LSAMP: variants seen among roughly 807,000 people sequenced by gnomAD.
The protein encoded by LSAMP is limbic system associated membrane protein, also known as limbic system-associated membrane protein.
LSAMP carries 7 observed loss-of-function variants against 38.6 expected under a neutral mutation model. The observed-to-expected ratio is 0.18, with a 90% CI of 0.10 to 0.34. LSAMP has a LOEUF of 0.34. Ranked by LOEUF, LSAMP falls within the 10% of genes least tolerant of loss-of-function variation. The probability of loss-of-function intolerance (pLI) is 1.00; values close to 1 mark genes in which losing one functional copy is unlikely to be tolerated. For missense variants in LSAMP, 313 were observed against 420.0 expected (o/e 0.75, Z 2.23); for synonymous variants, 154 against 166.8 (o/e 0.92, Z 0.59).
At chr3:116,344,442 G>C (rs1205642696) in intron 1 of LSAMP, among the ~76,000 whole-genome samples, 2 of 152,054 alleles carry the variant, frequency 1.3e-5, no homozygotes, top group Admixed American at 6.6e-5. Context: ...TAATTTAATT[G>C]CATGCAAACT....
intron 2 of LSAMP, among the ~76,000 whole-genome samples, chr3:116,039,968 C>T (rs866635601): frequency 6.6e-6 from 1 of 151,954 alleles, no homozygotes; most frequent in Non-Finnish European, 1.5e-5. Context: ...CTCCAGGTAA[C>T]AGCAGCTCTT....
intron 6 of LSAMP, among the ~76,000 whole-genome samples, chr3:115,833,897 A>G (rs1934699953): frequency 6.6e-6 from 1 of 152,164 alleles, no homozygotes; most frequent in Admixed American, 6.6e-5. Flanking sequence ...TTAAGCTAGA[A>G]AGTTGTGGCT....
intron 1 of LSAMP, among the ~76,000 whole-genome samples, chr3:116,148,179 TTAAAA>T (rs1189226791): frequency 2.0e-5 from 3 of 151,908 alleles, no homozygotes; most frequent in African/African-American, 7.2e-5. Flanking sequence ...CAGAGGTTAG[TTAAAA>T]TAACAGCAAC....
intron 1 of LSAMP, among the ~76,000 whole-genome samples, chr3:116,104,226 G>A (rs1708412023): frequency 6.6e-6 from 1 of 152,066 alleles, no homozygotes; most frequent in African/African-American, 2.4e-5. Context: ...GCTCTTAACA[G>A]CAACAAAATG....
intron 1 of LSAMP, among the ~76,000 whole-genome samples, chr3:116,158,771 T>C (rs1709816189): frequency 6.6e-6 from 1 of 152,166 alleles, no homozygotes; most frequent in Non-Finnish European, 1.5e-5. Flanking sequence ...ATGGTCATAC[T>C]GCCCGAAGCA....
intron 1 of LSAMP, among the ~76,000 whole-genome samples, chr3:116,413,412 G>A (rs1234726637): frequency 6.6e-6 from 1 of 151,986 alleles, no homozygotes; most frequent in Non-Finnish European, 1.5e-5. Flanking sequence ...GTTAAGCACT[G>A]TCCTAGTCTT....
intron 1 of LSAMP, among the ~76,000 whole-genome samples, chr3:116,386,170 G>C (rs2048624045): frequency 6.6e-6 from 1 of 152,082 alleles, no homozygotes; most frequent in Non-Finnish European, 1.5e-5. Flanking sequence ...CTAGTACATA[G>C]TAACTGCCAA....
At chr3:116,093,644 G>T (rs768728917) in intron 1 of LSAMP, among the ~76,000 whole-genome samples, 41 of 152,050 alleles carry the variant, frequency 2.7e-4, no homozygotes, top group Non-Finnish European at 5.4e-4. Context: ...ATAACACCCA[G>T]GATAGGTAAA....
chr3:115,820,349 T>C (rs567080651), intron 6 of LSAMP, among the ~76,000 whole-genome samples: 1 of 152,254 alleles, frequency 6.6e-6, no homozygotes, highest in East Asian at 1.9e-4. Flanking sequence ...CAAGGTATAA[T>C]AGAGAAAGGT....
At chr3:115,823,554 T>C (rs1245217985) in intron 6 of LSAMP, among the ~76,000 whole-genome samples, 2 of 152,268 alleles carry the variant, frequency 1.3e-5, no homozygotes, top group African/African-American at 4.8e-5. Context: ...TATAGTTTCA[T>C]ATTTTTCAAA....
At chr3:116,229,370 C>T (rs563206873) in intron 1 of LSAMP, among the ~76,000 whole-genome samples, 3 of 152,168 alleles carry the variant, frequency 2.0e-5, no homozygotes, top group South Asian at 4.1e-4. Flanking sequence ...TGTTGATAGG[C>T]TAGAGATGAA....
chr3:116,109,863 C>T (rs551162070), intron 1 of LSAMP, among the ~76,000 whole-genome samples: 10 of 143,294 alleles, frequency 7.0e-5, no homozygotes, highest in South Asian at 2.2e-4. Context: ...TCCAGAAAAG[C>T]GGGAAGGGGG....
At chr3:115,961,941 G>A (rs535504382) in intron 3 of LSAMP, among the ~76,000 whole-genome samples, 1 of 152,298 alleles carries the variant, frequency 6.6e-6, no homozygotes, top group East Asian at 1.9e-4. Context: ...GTGCCTAAAA[G>A]ATAGCTGCAT....
chr3:116,407,420 T>C (rs1039355970), intron 1 of LSAMP, among the ~76,000 whole-genome samples: 10 of 152,064 alleles, frequency 6.6e-5, no homozygotes, highest in African/African-American at 1.7e-4. Flanking sequence ...ATCTTAAATA[T>C]AGATTCTCAA....
In LSAMP at chr3:116,399,657, G is replaced by T. The variant is rs1176543751; in HGVS notation, c.155+45220C>A. ...TTAGTGATAAAAATACTGTGCATGGGTCTTCCCTTTTGAGTCTGCAGGTTG... is the reference window on the plus strand; with the variant it reads ...TTAGTGATAAAAATACTGTGCATGGTTCTTCCCTTTTGAGTCTGCAGGTTG... On this transcript the variant is annotated intron_variant, in intron 1 of 6. Coordinates refer to ENST00000490035, the MANE Select transcript of LSAMP (RefSeq NM_002338.5). Among the ~76,000 whole-genome samples, 3 of 152,274 alleles carry T rather than the reference G, an allele frequency of 2.0e-5. No homozygotes were observed. In the East Asian group the frequency reaches 5.8e-4, roughly 29 times the overall value.
chr3:116,436,168 C>T (rs908592945), intron 1 of LSAMP, among the ~76,000 whole-genome samples: 3 of 152,170 alleles, frequency 2.0e-5, no homozygotes, highest in African/African-American at 7.2e-5. Flanking sequence ...GAAACTGGAT[C>T]TTCATCTCTC....
chr3:116,252,210 A>C (rs1000584762), intron 1 of LSAMP, among the ~76,000 whole-genome samples: 1 of 152,206 alleles, frequency 6.6e-6, no homozygotes, highest in African/African-American at 2.4e-5. Context: ...CATAAGCACA[A>C]AGAAGCAAAT....
At chr3:116,281,127 A>G (rs936558853) in intron 1 of LSAMP, among the ~76,000 whole-genome samples, 1 of 152,194 alleles carries the variant, frequency 6.6e-6, no homozygotes, top group Non-Finnish European at 1.5e-5. Flanking sequence ...TTCCTGAAAC[A>G]AAGGAAGACA....
intron 1 of LSAMP, among the ~76,000 whole-genome samples, chr3:116,125,132 G>C (rs928807128): frequency 1.3e-5 from 2 of 152,078 alleles, no homozygotes; most frequent in African/African-American, 4.8e-5. Context: ...TGAAAGTAGA[G>C]AATGGCTTCT....
Sources: allele counts gnomAD v4.1 joint callset (sites outside exome capture counted in the v4.1 genomes callset), GRCh38; gene constraint gnomAD v4.1.1; transcripts MANE v1.5; gene names NCBI Gene and HGNC (gene_info 2026-07-23, HGNC 2026-07-21).